Variants in CNBD1 observed in about 807,000 individuals in gnomAD.
CNBD1 encodes the protein cyclic nucleotide-binding domain-containing protein 1.
CNBD1 carries 71 observed loss-of-function variants against 54.4 expected under a neutral mutation model. The ratio of observed to expected loss-of-function variants is 1.30; its 90% confidence interval spans 1.08 to 1.59. CNBD1 has a LOEUF of 1.59. CNBD1 is among the 40% of genes most tolerant of loss of function. CNBD1 has a pLI of 0.00. For synonymous variants in CNBD1, 182 were observed against 170.7 expected, an observed-to-expected ratio of 1.07 and a Z score of -0.51; for missense variants, 659 against 518.0, an observed-to-expected ratio of 1.27 and a Z score of -2.64.
chr8:86,874,986 T>TTTTATATATATATATATATATA (rs1304865331), intron 1 of CNBD1, among the ~76,000 whole-genome samples: 3 of 120,120 alleles, frequency 2.5e-5, no homozygotes, highest in African/African-American at 1.0e-4. Flanking sequence ...GTAAATCAAT[T>TTTTATATATATATATATATATA]TATATATATA....
At chr8:87,115,224 A>T (rs1173471335) in intron 4 of CNBD1, among the ~76,000 whole-genome samples, 1 of 152,188 alleles carries the variant, frequency 6.6e-6, no homozygotes, top group African/African-American at 2.4e-5. Flanking sequence ...TTTCACTTAA[A>T]CAATTACTTT....
At chr8:87,099,880 G>T (rs1811393991) in intron 4 of CNBD1, among the ~76,000 whole-genome samples, 1 of 152,206 alleles carries the variant, frequency 6.6e-6, no homozygotes, top group African/African-American at 2.4e-5. Context: ...AAAGCAACTA[G>T]ATTAGATGGC....
rs1234436338 is a variant in CNBD1, at chr8:87,428,562, CA to C, written c.232del (p.Lys78SerfsTer15). On this transcript the variant is annotated frameshift_variant, in exon 3 of 8. Transcript: ENST00000521593. LOFTEE classifies it high-confidence loss of function. The stretch of plus-strand genomic sequence containing the variant: ...TTCATCTAGAATTAGACCCAGTGAC[CA>C]AGCAACTTATGCTCCAAACAGCTAA... The C allele has an allele frequency of 4.0e-5, 18 of 452,938 alleles. No homozygotes were observed. Among genetic ancestry groups the C allele is most frequent in the Non-Finnish European group, 2.2e-5 (5 of 225,480 alleles). 28.1% of individuals were successfully genotyped at this position (452,938 alleles called of 1,614,324 possible).
intron 8 of CNBD1, among the ~76,000 whole-genome samples, chr8:87,316,921 G>A (rs1809397764): frequency 6.6e-6 from 1 of 151,504 alleles, no homozygotes; most frequent in African/African-American, 2.4e-5. Flanking sequence ...ATGCATTTTA[G>A]AATGTGACTT....
intron 3 of CNBD1, among the ~76,000 whole-genome samples, chr8:86,925,776 C>T (rs56123645): frequency 1.4e-4 from 21 of 147,316 alleles, no homozygotes; most frequent in Non-Finnish European, 2.5e-4. Flanking sequence ...TAGAGGGCAC[C>T]TGTAATCCTG....
At position 87,029,718 on chromosome 8, in the gene CNBD1, GA is replaced by G. The variant is rs975497163; in HGVS notation, c.431+89972del. Among the ~76,000 whole-genome samples, 9 of 151,506 alleles carry G rather than the reference GA, an allele frequency of 5.9e-5. No individual in the cohort carries two copies. The South Asian group carries it at 6.3e-4, about 11-fold the overall frequency. On this transcript the variant is annotated intron_variant, in intron 4 of 10. Coordinates refer to ENST00000518476, the MANE Select transcript of CNBD1 (RefSeq NM_173538.3). ...TTAAAAGTCTTAAATAATATTTGAGGAAAAAAAATGGATCACTGGGAGAAAA... is the reference window on the plus strand; with the variant it reads ...TTAAAAGTCTTAAATAATATTTGAGGAAAAAAATGGATCACTGGGAGAAAA...
At chr8:87,184,099 C>G (rs543993934) in intron 4 of CNBD1, among the ~76,000 whole-genome samples, 3 of 152,184 alleles carry the variant, frequency 2.0e-5, no homozygotes, top group Non-Finnish European at 4.4e-5. Context: ...AGGGGCTGCA[C>G]GCATGTGCTC....
At chr8:87,364,376 A>T (rs1256844641) in intron 10 of CNBD1, among the ~76,000 whole-genome samples, 3 of 151,794 alleles carry the variant, frequency 2.0e-5, no homozygotes, top group African/African-American at 7.2e-5. Flanking sequence ...AGAAGAAGTT[A>T]ATGTTTTTGC....
In CNBD1 at chr8:87,287,304, C is replaced by T. The variant is rs1468240429; in HGVS notation, c.1042+633C>T. On this transcript the variant is annotated intron_variant, in intron 8 of 10. Coordinates refer to ENST00000518476, the MANE Select transcript of CNBD1 (RefSeq NM_173538.3). Reference sequence around the variant, plus strand: ...AGCCAATTTAACAAGGGTTGCTAAACCAAGAGGAACTGTGGTAGGATGGGC... The same window carrying T: ...AGCCAATTTAACAAGGGTTGCTAAATCAAGAGGAACTGTGGTAGGATGGGC... 3.3e-5 allele frequency among the ~76,000 whole-genome samples: 5 copies of T among 152,196 alleles called. No homozygotes were observed. The South Asian group carries it at 1.0e-3, about 32-fold the overall frequency.
intron 8 of CNBD1, among the ~76,000 whole-genome samples, chr8:87,351,019 G>C (rs747217708): frequency 2.6e-4 from 39 of 152,082 alleles, no homozygotes; most frequent in Non-Finnish European, 4.3e-4. Flanking sequence ...GTGTTATACT[G>C]TGTACCAGGC....
At chr8:86,894,093 C>T (rs1242364809) in intron 2 of CNBD1, among the ~76,000 whole-genome samples, 5 of 99,710 alleles carry the variant, frequency 5.0e-5, no homozygotes, top group Admixed American at 3.4e-4. Context: ...CTCGCTCTGT[C>T]GCCCAGGCCG....
At chr8:87,190,581 T>C (rs1813580771) in intron 4 of CNBD1, among the ~76,000 whole-genome samples, 1 of 152,152 alleles carries the variant, frequency 6.6e-6, no homozygotes, top group South Asian at 2.1e-4. Flanking sequence ...ACTGTTTCTT[T>C]TGTGTAATAA....
intron 6 of CNBD1, among the ~76,000 whole-genome samples, chr8:87,278,494 C>G (rs1429037827): frequency 6.6e-6 from 1 of 151,516 alleles, no homozygotes; most frequent in Admixed American, 6.6e-5. Context: ...TGCCAGAGAA[C>G]AATAACATAT....
At chr8:87,044,478 A>C (rs1303857912) in intron 4 of CNBD1, 16 of 152,170 alleles carry the variant, frequency 1.1e-4, no homozygotes, top group Admixed American at 1.0e-3. Context: ...GGTTAGAGCA[A>C]AAGTTTAATA....
At chr8:87,065,720 C>G (rs772780437) in intron 4 of CNBD1, among the ~76,000 whole-genome samples, 34 of 151,824 alleles carry the variant, frequency 2.2e-4, no homozygotes, top group Non-Finnish European at 4.3e-4. Flanking sequence ...CCTCTAATGC[C>G]TTTATGTAAA....
At chr8:87,238,065 G>T (rs1398221865) in intron 6 of CNBD1, among the ~76,000 whole-genome samples, 1 of 137,244 alleles carries the variant, frequency 7.3e-6, no homozygotes, top group African/African-American at 3.5e-5. Flanking sequence ...TTCAAAGACC[G>T]ATTTTTTTTT....
chr8:87,395,366 G>C (rs186448445), intron 2 of CNBD1, among the ~76,000 whole-genome samples: 25 of 151,962 alleles, frequency 1.6e-4, no homozygotes, highest in African/African-American at 5.3e-4. Flanking sequence ...ACAAGTTATG[G>C]AGAAGAGGGA....
intron 4 of CNBD1, among the ~76,000 whole-genome samples, chr8:86,960,349 C>T (rs1807896158): frequency 6.6e-6 from 1 of 152,188 alleles, no homozygotes; most frequent in Admixed American, 6.5e-5. Context: ...CCGCTCCTGG[C>T]TCAGAGGGTC....
chr8:87,363,327 T>C (rs933693357), intron 10 of CNBD1, among the ~76,000 whole-genome samples: 1 of 152,152 alleles, frequency 6.6e-6, no homozygotes, highest in Non-Finnish European at 1.5e-5. Context: ...TGTGCCTTTA[T>C]AGTAGAATGA....
Sources: allele counts gnomAD v4.1 joint callset (sites outside exome capture counted in the v4.1 genomes callset), GRCh38; gene constraint gnomAD v4.1.1; transcripts MANE v1.5; gene names NCBI Gene and HGNC (gene_info 2026-07-23, HGNC 2026-07-21).